Variants in SEMA3E observed in about 807,000 individuals in gnomAD.
SEMA3E encodes the protein semaphorin-3E.
Under a neutral mutation model 93.6 loss-of-function variants are expected in SEMA3E, and 49 were observed. The observed-to-expected ratio is 0.52, with a 90% CI of 0.42 to 0.66. The LOEUF (loss-of-function observed/expected upper bound fraction) is 0.66, where lower values mean the gene tolerates loss of function less well. Among genes scored for constraint, SEMA3E ranks in the 30% least tolerant of loss-of-function variants. The probability of loss-of-function intolerance (pLI) is 0.00; values close to 1 mark genes in which losing one functional copy is unlikely to be tolerated. For missense variants in SEMA3E, 906 were observed against 964.8 expected (o/e 0.94, Z 0.81); for synonymous variants, 363 against 330.7 (o/e 1.10, Z -1.06).
chr7:83,513,568 G>C (rs997398545), intron 1 of SEMA3E, among the ~76,000 whole-genome samples: 1 of 152,088 alleles, frequency 6.6e-6, no homozygotes, highest in Non-Finnish European at 1.5e-5. Context: ...TTAAAAGTCT[G>C]GGAGACTATA....
intron 1 of SEMA3E, among the ~76,000 whole-genome samples, chr7:83,594,899 C>T (rs556549868): frequency 5.2e-4 from 79 of 151,642 alleles, no homozygotes; most frequent in Non-Finnish European, 1.0e-3. Context: ...GAGTATCCAA[C>T]CCAATTTATT....
At chr7:83,613,288 G>T (rs1793302675) in intron 1 of SEMA3E, among the ~76,000 whole-genome samples, 1 of 151,942 alleles carries the variant, frequency 6.6e-6, no homozygotes, top group South Asian at 2.1e-4. Flanking sequence ...ATGACATACA[G>T]AAAAGAAAAT....
At chr7:83,502,312 A>C (rs550908408) in intron 1 of SEMA3E, among the ~76,000 whole-genome samples, 2 of 152,172 alleles carry the variant, frequency 1.3e-5, no homozygotes, top group Non-Finnish European at 2.9e-5. Flanking sequence ...TTAAAAATAT[A>C]AATTGGGCTG....
intron 1 of SEMA3E, among the ~76,000 whole-genome samples, chr7:83,636,149 T>G (rs1395563880): frequency 6.6e-6 from 1 of 152,194 alleles, no homozygotes; most frequent in East Asian, 1.9e-4. Flanking sequence ...GATGAATTCA[T>G]ACTGTCCTCT....
intron 1 of SEMA3E, among the ~76,000 whole-genome samples, chr7:83,643,883 T>C (rs761593833): frequency 2.6e-5 from 4 of 151,966 alleles, no homozygotes; most frequent in Non-Finnish European, 4.4e-5. Flanking sequence ...ATGAATCATG[T>C]CTTATGACCA....
At chr7:83,601,269 C>T (rs1562850139) in intron 1 of SEMA3E, among the ~76,000 whole-genome samples, 1 of 152,212 alleles carries the variant, frequency 6.6e-6, no homozygotes, top group Non-Finnish European at 1.5e-5. Flanking sequence ...CAACTTGTTA[C>T]TTGATCATTT....
intron 1 of SEMA3E, among the ~76,000 whole-genome samples, chr7:83,513,735 T>C (rs1208848414): frequency 1.3e-5 from 2 of 152,196 alleles, no homozygotes; most frequent in Non-Finnish European, 2.9e-5. Flanking sequence ...ATAAAACATG[T>C]CTAGAATTTA....
At chr7:83,539,137 G>T (rs28643875) in intron 1 of SEMA3E, among the ~76,000 whole-genome samples, 33,799 of 152,032 alleles carry the variant, frequency 0.22, 3,939 homozygotes, top group East Asian at 0.39. Flanking sequence ...TTGGGGCTGT[G>T]TGCATTTATC....
intron 1 of SEMA3E, among the ~76,000 whole-genome samples, chr7:83,626,057 G>GA (rs753711777): frequency 6.6e-6 from 1 of 152,074 alleles, no homozygotes; most frequent in Non-Finnish European, 1.5e-5. Flanking sequence ...GGATGAAGCT[G>GA]ACTTGATTGT....
chr7:83,479,875 A>G (rs1387326364), intron 2 of SEMA3E, among the ~76,000 whole-genome samples: 1 of 152,208 alleles, frequency 6.6e-6, no homozygotes, highest in Non-Finnish European at 1.5e-5. Context: ...TGAAAACTAA[A>G]ATTAACATGT....
At chr7:83,460,895 T>C (rs1789602962) in intron 4 of SEMA3E, among the ~76,000 whole-genome samples, 1 of 151,772 alleles carries the variant, frequency 6.6e-6, no homozygotes. Context: ...ACTCTCTCTT[T>C]TCTCTAGGCT....
At chr7:83,519,784 A>G (rs1791007408) in intron 1 of SEMA3E, among the ~76,000 whole-genome samples, 1 of 152,172 alleles carries the variant, frequency 6.6e-6, no homozygotes, top group Non-Finnish European at 1.5e-5. Context: ...ACAATGATAC[A>G]ATTAACCTCA....
chr7:83,432,121 C>CG (rs1453328197), intron 4 of SEMA3E, among the ~76,000 whole-genome samples: 1 of 152,084 alleles, frequency 6.6e-6, no homozygotes, highest in African/African-American at 2.4e-5. Flanking sequence ...TGTCTCCAGA[C>CG]GATTCCAGTC....
At chr7:83,368,971 C>T (rs1794715382) in intron 16 of SEMA3E, among the ~76,000 whole-genome samples, 1 of 152,082 alleles carries the variant, frequency 6.6e-6, no homozygotes, top group African/African-American at 2.4e-5. Flanking sequence ...GTGGAGATAA[C>T]TTAATAACCT....
intron 15 of SEMA3E, among the ~76,000 whole-genome samples, 185 bp from the exon 16 acceptor site, chr7:83,385,618 C>G (rs898296918): frequency 2.6e-5 from 4 of 152,024 alleles, no homozygotes; most frequent in Non-Finnish European, 4.4e-5. Context: ...ATGAAACAAG[C>G]AAGCAGGCTA....
intron 2 of SEMA3E, among the ~76,000 whole-genome samples, chr7:83,475,508 T>C (rs1300983325): frequency 6.6e-6 from 1 of 152,062 alleles, no homozygotes; most frequent in African/African-American, 2.4e-5. Context: ...CCTTATAAGA[T>C]TGGGAGTTTC....
chr7:83,368,148 T>G (rs1794700581), intron 16 of SEMA3E, 110 bp from the exon 17 acceptor site: 2 of 912,478 alleles, frequency 2.2e-6, no homozygotes, highest in Admixed American at 3.9e-5. Context: ...TGTCACATAA[T>G]GAAACCCTGA....
intron 1 of SEMA3E, among the ~76,000 whole-genome samples, chr7:83,593,280 CTCTCTGTGTGTGTGTGTGTG>C (rs1206005525): frequency 1.8e-5 from 2 of 109,196 alleles, no homozygotes; most frequent in African/African-American, 8.7e-5. Context: ...CTCTCTCTCT[CTCTCTGTGTGTGTGTGTGTG>C]TGTGTGTGTG....
rs116711252 is a variant in SEMA3E, at chr7:83,628,580, T to C, written c.115+19848A>G. On this transcript the variant is annotated intron_variant, in intron 1 of 16. Coordinates refer to ENST00000643230, the MANE Select transcript of SEMA3E (RefSeq NM_012431.3). ...TCCTTTCTTCTGCTTGATTTGGCCA[T>C]TGATACTTGTGTATGTTTCACAAAG... Among the ~76,000 whole-genome samples the C allele has an allele frequency of 7.4e-3, 1,121 of 151,574 alleles. 13 individuals carry two copies. The highest frequency in any genetic ancestry group is 0.026 in the African/African-American group (1,064 of 41,432).
Sources: gnomAD v4.1 joint callset for allele counts (sites outside exome capture counted in the v4.1 genomes callset) on GRCh38, gnomAD v4.1.1 for gene constraint, MANE v1.5 for transcripts, NCBI Gene and HGNC (gene_info 2026-07-23, HGNC 2026-07-21) for gene names.